PALM2AKAP2: variants seen among roughly 807,000 people sequenced by gnomAD.
PALM2AKAP2 encodes the protein PALM2-AKAP2 fusion protein.
PALM2AKAP2 carries 37 observed loss-of-function variants against 71.5 expected under a neutral mutation model. The observed-to-expected ratio is 0.52, with a 90% CI of 0.40 to 0.68. The LOEUF (loss-of-function observed/expected upper bound fraction) is 0.68, where lower values mean the gene tolerates loss of function less well. Ranked by LOEUF, PALM2AKAP2 falls within the 30% of genes least tolerant of loss-of-function variation. PALM2AKAP2 has a pLI of 0.00. For synonymous variants in PALM2AKAP2, 468 were observed against 478.8 expected, an observed-to-expected ratio of 0.98 and a Z score of 0.29; for missense variants, 1,224 against 1,191.8, an observed-to-expected ratio of 1.03 and a Z score of -0.40.
At chr9:109,838,567 C>A (rs1177698982) in intron 1 of PALM2AKAP2, among the ~76,000 whole-genome samples, 2 of 152,042 alleles carry the variant, frequency 1.3e-5, no homozygotes, top group Admixed American at 6.6e-5. Flanking sequence ...AAAAACCCTT[C>A]AAAAAATCAA....
At chr9:109,866,435 G>C (rs943747355) in intron 1 of PALM2AKAP2, among the ~76,000 whole-genome samples, 1 of 152,130 alleles carries the variant, frequency 6.6e-6, no homozygotes, top group African/African-American at 2.4e-5. Flanking sequence ...CATTAACAAG[G>C]AAACTATCAT....
At chr9:109,944,202 T>G (rs7035935) in intron 6 of PALM2AKAP2, 17,848 of 152,190 alleles carry the variant, frequency 0.12, 1,279 homozygotes, top group East Asian at 0.29. Context: ...GTTTGAAGCA[T>G]CAGTAGCAAT....
intron 1 of PALM2AKAP2, among the ~76,000 whole-genome samples, chr9:109,641,248 A>G (rs570146591): frequency 6.6e-6 from 1 of 152,232 alleles, no homozygotes. Context: ...GACTGCAGTT[A>G]AAAAAAGAGG....
At chr9:110,111,718 A>ATT (rs1835258098) in intron 1 of PALM2AKAP2, among the ~76,000 whole-genome samples, 1 of 108,490 alleles carries the variant, frequency 9.2e-6, no homozygotes, top group African/African-American at 3.1e-5. Flanking sequence ...TTTTATTTTT[A>ATT]TTTTTATTTT....
intron 1 of PALM2AKAP2, among the ~76,000 whole-genome samples, chr9:110,126,877 G>A (rs968869889): frequency 1.3e-5 from 2 of 152,190 alleles, no homozygotes; most frequent in Non-Finnish European, 2.9e-5. Flanking sequence ...TTTCAGCAGG[G>A]CTAAGAGGAG....
At position 109,854,295 on chromosome 9, in the gene PALM2AKAP2, A is replaced by T. The variant is rs575048676; in HGVS notation, c.46-13196A>T. Among the ~76,000 whole-genome samples, 9 of 152,360 alleles carry T rather than the reference A, an allele frequency of 5.9e-5. No homozygotes were observed. The South Asian group carries it at 1.9e-3, about 32-fold the overall frequency. The stretch of plus-strand genomic sequence containing the variant: ...ATTGAGCAAGAGCTCTGGATTTGCC[A>T]TCATCAGCTGAGGATTCTGAATTAG... On this transcript the variant is annotated intron_variant, in intron 1 of 9. Transcript: ENST00000302798.
At chr9:109,764,814 A>G (rs998243397) in intron 1 of PALM2AKAP2, among the ~76,000 whole-genome samples, 1 of 39,994 alleles carries the variant, frequency 2.5e-5, no homozygotes, top group African/African-American at 9.1e-5. Flanking sequence ...AGGGATGAAT[A>G]TTTTTTAAAA....
At chr9:109,821,622 T>C (rs994797974) in intron 1 of PALM2AKAP2, among the ~76,000 whole-genome samples, 1 of 152,222 alleles carries the variant, frequency 6.6e-6, no homozygotes, top group African/African-American at 2.4e-5. Flanking sequence ...CATCACCATA[T>C]GAAAGATACT....
Position 109,794,404 on chromosome 9 carries a change from AT to A in PALM2AKAP2, c.45+13886del, listed in dbSNP as rs57551115. On this transcript the variant is annotated intron_variant, in intron 1 of 9. Coordinates refer to the PALM2AKAP2 transcript ENST00000302798. ...AAAGCACTGCAGATTTTCCAGGTGTATTTTTTTTTTTTTTTGCTCCCTGGAT... is the reference window on the plus strand; with the variant it reads ...AAAGCACTGCAGATTTTCCAGGTGTATTTTTTTTTTTTTTGCTCCCTGGAT... 1.7e-3 allele frequency among the ~76,000 whole-genome samples: 244 copies of A among 143,648 alleles called. 3 individuals carry two copies. Among genetic ancestry groups the A allele is most frequent in the African/African-American group, 4.5e-3 (173 of 38,866 alleles). The allele number at this position is 143,648 out of a possible 152,430, so 94.2% of individuals were successfully genotyped here.
chr9:109,873,731 A>G (rs1034927486), intron 2 of PALM2AKAP2, among the ~76,000 whole-genome samples: 3 of 152,214 alleles, frequency 2.0e-5, no homozygotes, highest in Non-Finnish European at 2.9e-5. Context: ...AATAACAAAC[A>G]TCTGACCAGG....
At chr9:109,841,591 A>G (rs1412112017) in intron 1 of PALM2AKAP2, among the ~76,000 whole-genome samples, 1 of 3,048 alleles carries the variant, frequency 3.3e-4, no homozygotes, top group Non-Finnish European at 5.5e-4. Flanking sequence ...GGGAAAGAAG[A>G]GAGGGTAGGG....
chr9:109,792,364 C>T (rs1362855659), intron 1 of PALM2AKAP2, among the ~76,000 whole-genome samples: 7 of 152,204 alleles, frequency 4.6e-5, no homozygotes, highest in Non-Finnish European at 2.9e-5. Flanking sequence ...TGGGCTCAAG[C>T]GATCCTTCCA....
At chr9:109,849,873 T>G (rs981515442) in intron 1 of PALM2AKAP2, among the ~76,000 whole-genome samples, 1 of 152,226 alleles carries the variant, frequency 6.6e-6, no homozygotes, top group African/African-American at 2.4e-5. Flanking sequence ...GCTATTTTTT[T>G]AAACCTTTCA....
intron 6 of PALM2AKAP2, among the ~76,000 whole-genome samples, chr9:109,960,138 C>T (rs1050038771): frequency 6.6e-6 from 1 of 152,172 alleles, no homozygotes; most frequent in Non-Finnish European, 1.5e-5. Context: ...TGGCCATTTT[C>T]ACCCCTTCCC....
At chr9:110,100,148 C>A (rs1224338687) in intron 1 of PALM2AKAP2, among the ~76,000 whole-genome samples, 1 of 147,426 alleles carries the variant, frequency 6.8e-6, no homozygotes, top group Non-Finnish European at 1.5e-5. Flanking sequence ...AACCTCAAGC[C>A]TATTATACAT....
chr9:109,691,692 G>C (rs921363304), intron 1 of PALM2AKAP2, among the ~76,000 whole-genome samples: 1 of 150,642 alleles, frequency 6.6e-6, no homozygotes, highest in Non-Finnish European at 1.5e-5. Context: ...AAGACTCTTC[G>C]ATGTTGGAAG....
chr9:109,985,783 G>A (rs1832365508), intron 6 of PALM2AKAP2, among the ~76,000 whole-genome samples: 1 of 151,834 alleles, frequency 6.6e-6, no homozygotes, highest in Non-Finnish European at 1.5e-5. Context: ...CTAAGTAGCT[G>A]GGATTACAGG....
intron 1 of PALM2AKAP2, among the ~76,000 whole-genome samples, chr9:109,664,418 T>C (rs1587858941): frequency 6.6e-6 from 1 of 152,214 alleles, no homozygotes; most frequent in Admixed American, 6.5e-5. Context: ...TGCTTCTCTG[T>C]AAAGGATTTT....
At position 109,699,722 on chromosome 9, in the gene PALM2AKAP2, AT is replaced by A. The variant is rs370064376; in HGVS notation, c.5+58864del. Among the ~76,000 whole-genome samples the A allele has an allele frequency of 2.1e-3, 311 of 151,562 alleles. 1 individual carries two copies. The highest frequency in any genetic ancestry group is 5.5e-3 in the African/African-American group (225 of 41,262). On this transcript the variant is annotated intron_variant, in intron 1 of 6. Coordinates refer to the PALM2AKAP2 transcript ENST00000374531. The stretch of plus-strand genomic sequence containing the variant: ...TGAATAAGAAGTGATTTTTATTTCC[AT>A]TTTTTTTCCCCTGTATTTTCCAATA...
Sources: allele counts gnomAD v4.1 joint callset (sites outside exome capture counted in the v4.1 genomes callset), GRCh38; gene constraint gnomAD v4.1.1; transcripts MANE v1.5; gene names NCBI Gene and HGNC (gene_info 2026-07-23, HGNC 2026-07-21).